PGR: variants seen among roughly 807,000 people sequenced by gnomAD.
PGR encodes nuclear receptor subfamily 3 group C member 3.
Under a neutral mutation model 76.1 loss-of-function variants are expected in PGR, and 25 were observed. The observed-to-expected ratio is 0.33, with a 90% CI of 0.24 to 0.46. The LOEUF (loss-of-function observed/expected upper bound fraction) is 0.46, where lower values mean the gene tolerates loss of function less well. Ranked by LOEUF, PGR falls within the 20% of genes least tolerant of loss-of-function variation. PGR has a pLI of 1.00. For missense variants in PGR, 1,172 were observed against 1,225.3 expected, an observed-to-expected ratio of 0.96 and a Z score of 0.65; for synonymous variants, 579 against 535.0, an observed-to-expected ratio of 1.08 and a Z score of -1.14.
intron 2 of PGR, among the ~76,000 whole-genome samples, chr11:101,121,797 A>G (rs1210501245): frequency 2.6e-5 from 4 of 152,230 alleles, no homozygotes; most frequent in African/African-American, 9.6e-5. Flanking sequence ...TGCCTGGCGC[A>G]TGGCAGGTAC....
At chr11:101,076,085 T>C (rs1363614922) in intron 3 of PGR, among the ~76,000 whole-genome samples, 2 of 152,130 alleles carry the variant, frequency 1.3e-5, no homozygotes, top group African/African-American at 2.4e-5. Flanking sequence ...CCATCAATGA[T>C]AGACTGGATA....
intron 6 of PGR, among the ~76,000 whole-genome samples, chr11:101,044,758 G>T (rs2135383945): frequency 7.4e-6 from 1 of 134,874 alleles, no homozygotes; most frequent in South Asian, 2.4e-4. Flanking sequence ...CCAGGCTGGA[G>T]TTCAGTGGCA....
At chr11:101,068,687 A>G (rs1414596633) in intron 3 of PGR, among the ~76,000 whole-genome samples, 1 of 152,136 alleles carries the variant, frequency 6.6e-6, no homozygotes, top group Non-Finnish European at 1.5e-5. Context: ...ACAATAGAAC[A>G]GAACAGAGGC....
intron 4 of PGR, among the ~76,000 whole-genome samples, chr11:101,061,041 C>T (rs944540238): frequency 6.6e-6 from 1 of 152,024 alleles, no homozygotes. Flanking sequence ...AAATTGCAAA[C>T]AAAAGGAATA....
intron 3 of PGR, 173 bp from the exon 4 acceptor site, chr11:101,062,925 T>A: frequency 1.9e-6 from 1 of 527,880 alleles, no homozygotes; most frequent in Non-Finnish European, 3.3e-6. Context: ...TTAAAACATG[T>A]AACTAACTCT....
intron 2 of PGR, among the ~76,000 whole-genome samples, chr11:101,104,549 T>C (rs1862091253): frequency 6.6e-6 from 1 of 152,224 alleles, no homozygotes; most frequent in African/African-American, 2.4e-5. Context: ...TTTCTCTTCA[T>C]TCCGAAGTAA....
At chr11:101,064,826 C>G (rs1397394486) in intron 3 of PGR, among the ~76,000 whole-genome samples, 1 of 152,158 alleles carries the variant, frequency 6.6e-6, no homozygotes, top group Non-Finnish European at 1.5e-5. Context: ...ACCACATATA[C>G]AACAGTGTTT....
chr11:101,128,320 C>T lies in PGR; in HGVS notation c.751G>A (p.Gly251Arg). Residue 251 changes from glycine to arginine, a missense_variant, in exon 1 of 8, where the codon GGA becomes AGA. Physicochemically the swap from Gly to Arg is moderately radical, Grantham distance 125. This residue lies in a region of PGR where 893 missense variants were observed against 785.9 expected (regional missense o/e 1.14). Coordinates refer to ENST00000325455, the MANE Select transcript of PGR (RefSeq NM_000926.4). ...PRALGGAAAG[G>R]GAAAVPPGAA... ...CCCGGCGGGACAGCCGCGGCTCCTC[C>T]TCCAGCCGCCGCGCCACCCAGAGCC... 1.9e-6 allele frequency: 3 copies of T among 1,595,258 alleles called. No homozygotes were observed. Among genetic ancestry groups the T allele is most frequent in the Non-Finnish European group, 1.7e-6 (2 of 1,176,812 alleles).
At chr11:101,120,977 T>C (rs1862656385) in intron 2 of PGR, among the ~76,000 whole-genome samples, 1 of 152,190 alleles carries the variant, frequency 6.6e-6, no homozygotes, top group Admixed American at 6.5e-5. Flanking sequence ...TAACCAAATA[T>C]GAACAGATGA....
intron 3 of PGR, among the ~76,000 whole-genome samples, chr11:101,088,103 T>G (rs1261715948): frequency 6.6e-6 from 1 of 151,460 alleles, no homozygotes; most frequent in East Asian, 1.9e-4. Context: ...GATGCTGAGG[T>G]AGGAAGATCA....
chr11:101,074,063 T>C (rs1041559920), intron 3 of PGR, among the ~76,000 whole-genome samples: 1 of 152,148 alleles, frequency 6.6e-6, no homozygotes, highest in Non-Finnish European at 1.5e-5. Flanking sequence ...TGAATATTGA[T>C]GCAAAAATCC....
chr11:101,037,456 A>G lies in PGR; in HGVS notation c.*1660T>C, dbSNP rs1354612719. ...TTGTTGAATGAAATTAGAAATGAAG[A>G]AAGTTTTTATGCTGAGGTTTACAGT... On this transcript the variant is annotated 3_prime_UTR_variant, in exon 8 of 8. Coordinates refer to ENST00000325455, the MANE Select transcript of PGR (RefSeq NM_000926.4). 1 of 222,484 alleles carries G rather than the reference A, an allele frequency of 4.5e-6. No homozygotes were observed. The highest frequency in any genetic ancestry group is 9.0e-6 in the Non-Finnish European group (1 of 111,280). 13.8% of individuals were successfully genotyped at this position (222,484 alleles called of 1,614,324 possible). A position where few individuals can be genotyped will look rare whatever the true frequency, so the allele number is the denominator to read the frequency against.
At position 101,128,229 on chromosome 11, in the gene PGR, G is replaced by A; in HGVS notation, c.842C>T (p.Ala281Val). The A allele has an allele frequency of 1.3e-6, 2 of 1,596,886 alleles. No individual in the cohort carries two copies. Among genetic ancestry groups the A allele is most frequent in the Non-Finnish European group, 1.7e-6 (2 of 1,178,624 alleles). The change falls in exon 1 of 8, where the codon GCC becomes GTC. Residue 281 changes from alanine to valine, a missense_variant. Physicochemically the swap from Ala to Val is moderately conservative, Grantham distance 64. Transcript: ENST00000325455. ...CATCGGCGCGTCCTGCTCCACCAGG[G>A]CGACCCTGGGCGCTGAGAAGCGGGA... Reference protein sequence around the residue: ...EDSRFSAPRVALVEQDAPMAP... With the variant: ...EDSRFSAPRVVLVEQDAPMAP...
At chr11:101,107,145 G>A (rs1862189488) in intron 2 of PGR, among the ~76,000 whole-genome samples, 1 of 152,078 alleles carries the variant, frequency 6.6e-6, no homozygotes, top group African/African-American at 2.4e-5. Flanking sequence ...AAACCACCAT[G>A]GCACGTGTAT....
At chr11:101,119,587 G>C (rs974928098) in intron 2 of PGR, among the ~76,000 whole-genome samples, 2 of 152,106 alleles carry the variant, frequency 1.3e-5, no homozygotes, top group Non-Finnish European at 2.9e-5. Flanking sequence ...ATAAATACTT[G>C]ATTGAGATCT....
At chr11:101,053,499 C>A (rs1227459904) in intron 4 of PGR, among the ~76,000 whole-genome samples, 1 of 151,846 alleles carries the variant, frequency 6.6e-6, no homozygotes, top group African/African-American at 2.4e-5. Flanking sequence ...CTCCTTCCCA[C>A]CTTTCCTCCC....
intron 2 of PGR, among the ~76,000 whole-genome samples, chr11:101,111,609 C>T (rs1862344869): frequency 6.6e-6 from 1 of 152,132 alleles, no homozygotes; most frequent in Admixed American, 6.6e-5. Context: ...TTTGACTTGG[C>T]TTACCTGGGG....
chr11:101,075,987 T>G (rs943586135), intron 3 of PGR, among the ~76,000 whole-genome samples: 3 of 152,212 alleles, frequency 2.0e-5, no homozygotes, highest in Non-Finnish European at 4.4e-5. Flanking sequence ...CAAAGGATTA[T>G]AAATCATTGT....
intron 2 of PGR, among the ~76,000 whole-genome samples, chr11:101,117,497 G>A (rs570721728): frequency 6.6e-6 from 1 of 152,082 alleles, no homozygotes; most frequent in East Asian, 1.9e-4. Context: ...CATAGCAAAT[G>A]GAGCAAATTT....
Sources: gnomAD v4.1 joint callset for allele counts (sites outside exome capture counted in the v4.1 genomes callset) on GRCh38, gnomAD v4.1.1 for gene constraint, gnomAD v4.1.1 regional missense constraint, MANE v1.5 for transcripts, NCBI Gene and HGNC (gene_info 2026-07-23, HGNC 2026-07-21) for gene names.